The following CAMKK2 variants were observed in gnomAD, a reference collection of about 807,000 sequenced individuals.
CAMKK2 encodes calcium/calmodulin-dependent protein kinase kinase 2.
Under a neutral mutation model 67.2 loss-of-function variants are expected in CAMKK2, and 30 were observed. That is an observed-to-expected ratio of 0.45 (90% CI 0.33 to 0.61). CAMKK2 has a LOEUF of 0.61. CAMKK2 is among the 20% of genes least tolerant of loss of function. CAMKK2 has a pLI of 0.02. For missense variants in CAMKK2, 643 were observed against 802.0 expected, an observed-to-expected ratio of 0.80 and a Z score of 2.39; for synonymous variants, 322 against 326.2, an observed-to-expected ratio of 0.99 and a Z score of 0.14.
Position 121,239,609 on chromosome 12 carries a change from G to A in CAMKK2, c.*1090C>T, listed in dbSNP as rs1196930025. On this transcript the variant is annotated 3_prime_UTR_variant, in exon 17 of 17. Transcript: ENST00000404169. Reference sequence around the variant, plus strand: ...TCCCACCTGGCCCTCCAGAAACTGGGTATTTCATTGACCACAACAATCAGC... The same window carrying A: ...TCCCACCTGGCCCTCCAGAAACTGGATATTTCATTGACCACAACAATCAGC... 2 of 152,170 alleles carry A rather than the reference G, an allele frequency of 1.3e-5. No homozygotes were observed. Among genetic ancestry groups the A allele is most frequent in the African/African-American group, 4.8e-5 (2 of 41,428 alleles). The allele number at this position is 152,170 out of a possible 1,614,324, so 9.4% of individuals were successfully genotyped here.
chr12:121,290,322 C>T (rs554861311), intron 1 of CAMKK2, among the ~76,000 whole-genome samples: 1 of 152,238 alleles, frequency 6.6e-6, no homozygotes, highest in Non-Finnish European at 1.5e-5. Flanking sequence ...CTTTTCTCTA[C>T]TTTGTGGATT....
At chr12:121,259,276 C>T (rs1242782497) in intron 7 of CAMKK2, among the ~76,000 whole-genome samples, 2 of 152,196 alleles carry the variant, frequency 1.3e-5, no homozygotes, top group Non-Finnish European at 2.9e-5. Context: ...AGCAGCCCCT[C>T]GTGTCCTGCT....
At chr12:121,287,640 A>G (rs554417274) in intron 1 of CAMKK2, among the ~76,000 whole-genome samples, 1 of 152,344 alleles carries the variant, frequency 6.6e-6, no homozygotes, top group South Asian at 2.1e-4. Context: ...ATATCACTGA[A>G]AGAATGGCCC....
Position 121,253,712 on chromosome 12 carries a change from AC to A in CAMKK2, c.908-241del, listed in dbSNP as rs1410097294. ...CCCACCATCACCCCACCCCTTCTCA[AC>A]AATGACACATAAAACACTGCCAATA... On this transcript the variant is annotated intron_variant, in intron 9 of 16. Coordinates refer to ENST00000404169, the MANE Select transcript of CAMKK2 (RefSeq NM_001270485.2). This position sits in a 1 kb window ranked among gnomAD's most constrained non-coding sequence, Gnocchi z 5.0. Among the ~76,000 whole-genome samples, 2 of 152,282 alleles carry A rather than the reference AC, an allele frequency of 1.3e-5. No homozygotes were observed. The highest frequency in any genetic ancestry group is 4.8e-5 in the African/African-American group (2 of 41,556).
rs60979871 is a variant in CAMKK2 at position 121,240,961 on chromosome 12, A to G, written c.1597-92T>C. 73,388 of 1,337,284 alleles carry G rather than the reference A, an allele frequency of 0.055. 2,495 individuals carry two copies. Among genetic ancestry groups the G allele is most frequent in the South Asian group, 0.11 (8,711 of 78,226 alleles). 82.8% of individuals were successfully genotyped at this position (1,337,284 alleles called of 1,614,324 possible). A position where few individuals can be genotyped will look rare whatever the true frequency, so the allele number is the denominator to read the frequency against. Reference sequence around the variant, plus strand: ...CTCCCACATCTGGGCCCCCTGCCCAAGTGGGCCGTCGCGCACCCCCTGGAA... The same window carrying G: ...CTCCCACATCTGGGCCCCCTGCCCAGGTGGGCCGTCGCGCACCCCCTGGAA... On this transcript the variant is annotated intron_variant, in intron 16 of 16. Coordinates refer to ENST00000404169, the MANE Select transcript of CAMKK2 (RefSeq NM_001270485.2). The surrounding 1 kb of genome is among the most constrained non-coding windows in gnomAD (Gnocchi z 4.4).
chr12:121,242,233 G>A (rs1346746468), intron 16 of CAMKK2, among the ~76,000 whole-genome samples: 1 of 151,968 alleles, frequency 6.6e-6, no homozygotes, highest in Non-Finnish European at 1.5e-5. Flanking sequence ...TACTCAGGAA[G>A]CTGAGGCAGG....
chr12:121,280,611 A>G (rs1353219864), intron 1 of CAMKK2, among the ~76,000 whole-genome samples: 1 of 152,212 alleles, frequency 6.6e-6, no homozygotes, highest in African/African-American at 2.4e-5. Context: ...TTTTCTCAGC[A>G]TGGAACGTCC....
At chr12:121,258,597 G>A (rs1049210023) in intron 7 of CAMKK2, among the ~76,000 whole-genome samples, 6 of 152,042 alleles carry the variant, frequency 3.9e-5, no homozygotes, top group East Asian at 1.9e-4. Context: ...AGTCTCACAC[G>A]GCTGTGGCTG....
At chr12:121,279,196 G>A (rs971417443) in intron 1 of CAMKK2, among the ~76,000 whole-genome samples, 3 of 152,228 alleles carry the variant, frequency 2.0e-5, no homozygotes, top group East Asian at 3.9e-4. Flanking sequence ...CAGCTCTGAC[G>A]GAGTCTCGGC....
chr12:121,288,215 G>A (rs1899162395), intron 1 of CAMKK2, among the ~76,000 whole-genome samples: 1 of 152,174 alleles, frequency 6.6e-6, no homozygotes, highest in East Asian at 1.9e-4. Context: ...ATTTCAGTTT[G>A]TAATGAACAA....
At chr12:121,265,988 G>A (rs923664437) in intron 5 of CAMKK2, among the ~76,000 whole-genome samples, 3 of 152,178 alleles carry the variant, frequency 2.0e-5, no homozygotes, top group Admixed American at 6.5e-5. Flanking sequence ...CTGGAGTGCA[G>A]TGGCGCAATC....
chr12:121,244,202 G>T, intron 16 of CAMKK2: 2 of 1,533,518 alleles, frequency 1.3e-6, no homozygotes, highest in South Asian at 2.3e-5. Context: ...CAGCATGCCT[G>T]ACCTATGTGC....
At chr12:121,258,075 A>G (rs1191328498) in intron 7 of CAMKK2, among the ~76,000 whole-genome samples, 1 of 143,666 alleles carries the variant, frequency 7.0e-6, no homozygotes, top group Non-Finnish European at 1.5e-5. Context: ...CCCAGACTGG[A>G]GTGCAATGGC....
At position 121,238,883 on chromosome 12, in the gene CAMKK2, A is replaced by C. The variant is rs200204371; in HGVS notation, c.*1816T>G. On this transcript the variant is annotated 3_prime_UTR_variant, in exon 17 of 17. Transcript: ENST00000404169. ...CCCCATCTGGTGCCAGAAGGGGTGG[A>C]GCTATTGAGTCCTCTCCCCATAAAC... The C allele has an allele frequency of 1.3e-5, 2 of 152,622 alleles. No homozygotes were observed. The highest frequency in any genetic ancestry group is 2.4e-5 in the African/African-American group (1 of 41,442). The allele number at this position is 152,622 out of a possible 1,614,324, so 9.5% of individuals were successfully genotyped here.
At chr12:121,269,808 G>A in intron 3 of CAMKK2, 1 of 449,126 alleles carries the variant, frequency 2.2e-6, no homozygotes, top group South Asian at 3.6e-5. Flanking sequence ...CAATACTTTG[G>A]GAGGCCGAGG....
At chr12:121,262,607 C>T (rs1893687567) in intron 6 of CAMKK2, among the ~76,000 whole-genome samples, 2 of 152,048 alleles carry the variant, frequency 1.3e-5, no homozygotes, top group South Asian at 4.1e-4. Flanking sequence ...CTCCCAGGCT[C>T]GAGTGCAGTG....
chr12:121,249,736 T>C (rs368917039), intron 13 of CAMKK2, 51 bp downstream of exon 13: 5 of 1,483,368 alleles, frequency 3.4e-6, no homozygotes, highest in African/African-American at 2.8e-5. Flanking sequence ...GGCTGAGGCA[T>C]GGCTGAGCCA....
chr12:121,258,338 T>C (rs1166143884), intron 7 of CAMKK2, among the ~76,000 whole-genome samples: 1 of 152,138 alleles, frequency 6.6e-6, no homozygotes, highest in East Asian at 1.9e-4. Flanking sequence ...CCTCCACCTT[T>C]TTTTGTTTTA....
At chr12:121,287,152 T>C (rs1316039950) in intron 1 of CAMKK2, among the ~76,000 whole-genome samples, 1 of 152,152 alleles carries the variant, frequency 6.6e-6, no homozygotes, top group Non-Finnish European at 1.5e-5. Flanking sequence ...GTGATCCACC[T>C]GCCTCAGCCT....
Sources: gnomAD v4.1 joint callset for allele counts (sites outside exome capture counted in the v4.1 genomes callset) on GRCh38, gnomAD v4.1.1 for gene constraint, Gnocchi (gnomAD v3.1) non-coding constraint, MANE v1.5 for transcripts, NCBI Gene and HGNC (gene_info 2026-07-23, HGNC 2026-07-21) for gene names.